Variants in GMNN observed in about 807,000 individuals in gnomAD.
GMNN encodes the protein geminin DNA replication inhibitor.
Under a neutral mutation model 20.9 loss-of-function variants are expected in GMNN, and 14 were observed. The observed-to-expected ratio is 0.67, with a 90% confidence interval of 0.44 to 1.05. GMNN has a LOEUF of 1.05. Ranked by LOEUF, GMNN falls within the 50% of genes least tolerant of loss-of-function variation. The probability of loss-of-function intolerance (pLI) is 0.00; values close to 1 mark genes in which losing one functional copy is unlikely to be tolerated. For missense variants in GMNN, 227 were observed against 243.8 expected (o/e 0.93, Z 0.46); for synonymous variants, 81 against 85.8 (o/e 0.94, Z 0.31).
chr6:24,775,094 G>A lies in GMNN; in HGVS notation c.-176G>A, dbSNP rs1372839152. On this transcript the variant is annotated 5_prime_UTR_variant, in exon 1 of 7. Coordinates refer to ENST00000230056, the MANE Select transcript of GMNN (RefSeq NM_015895.5). ...CATAGCTACGTGCGTTCGCTACGAG[G>A]ATTGAGCGTCTCCACCCAGTAAGTG... The A allele has an allele frequency of 6.6e-6, 1 of 152,506 alleles. No homozygotes were observed. The highest frequency in any genetic ancestry group is 1.5e-5 in the Non-Finnish European group (1 of 68,220). The allele number at this position is 152,506 out of a possible 1,614,324, so 9.4% of individuals were successfully genotyped here. A position where few individuals can be genotyped will look rare whatever the true frequency, so the allele number is the denominator to read the frequency against.
chr6:24,783,388 T>A (rs1780268793), intron 4 of GMNN, among the ~76,000 whole-genome samples: 1 of 152,048 alleles, frequency 6.6e-6, no homozygotes, highest in Admixed American at 6.6e-5. Context: ...TGAAAAAAAA[T>A]TGGTTTTCCA....
intron 4 of GMNN, among the ~76,000 whole-genome samples, chr6:24,783,421 T>C (rs554181805): frequency 5.9e-5 from 9 of 152,256 alleles, no homozygotes; most frequent in East Asian, 1.9e-4. Flanking sequence ...GTAATAGATA[T>C]AAGCCGGAAA....
intron 4 of GMNN, among the ~76,000 whole-genome samples, chr6:24,782,257 A>G (rs1413864371): frequency 6.6e-6 from 1 of 152,228 alleles, no homozygotes; most frequent in Non-Finnish European, 1.5e-5. Context: ...AGAGTATGGC[A>G]TAAGGAAACC....
chr6:24,784,245 C>A, intron 5 of GMNN, 76 bp downstream of exon 5: 1 of 815,988 alleles, frequency 1.2e-6, no homozygotes. Flanking sequence ...TTTATTAGAG[C>A]AATATGGGCT....
intron 1 of GMNN, among the ~76,000 whole-genome samples, chr6:24,776,674 C>T (rs946788250): frequency 6.6e-6 from 1 of 152,142 alleles, no homozygotes; most frequent in Non-Finnish European, 1.5e-5. Context: ...TCTAGTCAAC[C>T]GCATTACATA....
chr6:24,779,659 C>T (rs781547062), intron 2 of GMNN, among the ~76,000 whole-genome samples: 17 of 152,168 alleles, frequency 1.1e-4, no homozygotes, highest in South Asian at 2.1e-4. Context: ...AACTTTCTCA[C>T]GCTGGTATGG....
Position 24,785,932 on chromosome 6 carries a change from T to A in GMNN, c.*133T>A. On this transcript the variant is annotated 3_prime_UTR_variant, in exon 7 of 7. Transcript: ENST00000230056. ...CCTTGTTTGAATCCTGGGACCCTAT[T>A]GCATTAAAGTACAAATACTATGTAT... 2 of 607,620 alleles carry A rather than the reference T, an allele frequency of 3.3e-6. No homozygotes were observed. The highest frequency in any genetic ancestry group is 5.7e-6 in the Non-Finnish European group (2 of 348,870). 37.6% of individuals were successfully genotyped at this position (607,620 alleles called of 1,614,324 possible).
intron 1 of GMNN, 185 bp from the exon 2 acceptor site, chr6:24,777,037 A>T: frequency 2.8e-6 from 1 of 361,926 alleles, no homozygotes; most frequent in Non-Finnish European, 5.0e-6. Flanking sequence ...GTGTGTATAT[A>T]TGTAAAATAT....
intron 2 of GMNN, among the ~76,000 whole-genome samples, chr6:24,779,160 T>C (rs758936569): frequency 6.6e-6 from 1 of 152,198 alleles, no homozygotes; most frequent in Non-Finnish European, 1.5e-5. Context: ...TGTGAATTTT[T>C]TTGGGGAGAG....
At chr6:24,780,929 A>G (rs534546391) in intron 3 of GMNN, among the ~76,000 whole-genome samples, 189 bp downstream of exon 3, 1 of 152,298 alleles carries the variant, frequency 6.6e-6, no homozygotes, top group South Asian at 2.1e-4. Context: ...CGTCGGGTGC[A>G]GTGGCTCACG....
At position 24,783,110 on chromosome 6, in the gene GMNN, C is replaced by G. The variant is rs754044511; in HGVS notation, c.275-977C>G. ...CAGGGGCAGGGAAACTTTGGGTGAT[C>G]ATGGATTATCTTTTGACAGAAAATA... On this transcript the variant is annotated intron_variant, in intron 4 of 6. Transcript: ENST00000230056. Among the ~76,000 whole-genome samples the G allele has an allele frequency of 1.6e-4, 25 of 152,080 alleles. 1 individual carries two copies. Among genetic ancestry groups the G allele is most frequent in the Non-Finnish European group, 1.2e-4 (8 of 68,004 alleles).
rs199710640 is a variant in GMNN, at chr6:24,784,492, A to G, written c.406A>G (p.Lys136Glu). 140 of 1,588,856 alleles carry G rather than the reference A, an allele frequency of 8.8e-5. No homozygotes were observed. Among genetic ancestry groups the G allele is most frequent in the Non-Finnish European group, 1.2e-4 (134 of 1,157,164 alleles). The change falls in exon 6 of 7, where the codon AAG (lysine) becomes GAG (glutamate). Residue 136 changes from lysine (K) to glutamate (E), a missense_variant. By Grantham distance (56) the Lys-to-Glu change is moderately conservative. Coordinates refer to ENST00000230056, the MANE Select transcript of GMNN (RefSeq NM_015895.5). ...QKDNEIARLK[K>E]ENKELAEVAE... Reference sequence around the variant, plus strand: ...GGACAATGAAATTGCCCGCCTGAAAAAGGAGAATAAAGAACTGGCAGAAGT... The same window carrying G: ...GGACAATGAAATTGCCCGCCTGAAAGAGGAGAATAAAGAACTGGCAGAAGT...
chr6:24,785,801 A>G lies in GMNN; in HGVS notation c.*2A>G, dbSNP rs1240429791. ...ACGGATGCAAAGCCATGTATATGAAATGCATTAATATTTGACTGTTGAGAA... is the reference window on the plus strand; with the variant it reads ...ACGGATGCAAAGCCATGTATATGAAGTGCATTAATATTTGACTGTTGAGAA... On this transcript the variant is annotated 3_prime_UTR_variant, in exon 7 of 7. Coordinates refer to ENST00000230056, the MANE Select transcript of GMNN (RefSeq NM_015895.5). 1.5e-5 allele frequency: 23 copies of G among 1,548,604 alleles called. No individual in the cohort carries two copies. The highest frequency in any genetic ancestry group is 1.7e-5 in the Non-Finnish European group (19 of 1,140,746).
chr6:24,784,400 C>T (rs1780295989), intron 5 of GMNN, 44 bp from the exon 6 acceptor site: 1 of 890,178 alleles, frequency 1.1e-6, no homozygotes, highest in Non-Finnish European at 1.9e-6. Flanking sequence ...TGATTTATAG[C>T]ATAGCAAATC....
In GMNN at chr6:24,785,824, G is replaced by T. The variant is rs749603171; in HGVS notation, c.*25G>T. On this transcript the variant is annotated 3_prime_UTR_variant, in exon 7 of 7. Transcript: ENST00000230056. ...AAATGCATTAATATTTGACTGTTGAGAATTTTACTGCCGAAGTTTACCTCC... is the reference window on the plus strand; with the variant it reads ...AAATGCATTAATATTTGACTGTTGATAATTTTACTGCCGAAGTTTACCTCC... 10 of 1,453,724 alleles carry T rather than the reference G, an allele frequency of 6.9e-6. 1 individual carries two copies. In the East Asian group the frequency reaches 1.9e-4, roughly 28 times the overall value. The allele number at this position is 1,453,724 out of a possible 1,614,324, so 90.1% of individuals were successfully genotyped here. A position where few individuals can be genotyped will look rare whatever the true frequency, so the allele number is the denominator to read the frequency against.
chr6:24,782,600 A>G, intron 4 of GMNN, among the ~76,000 whole-genome samples: 1 of 152,334 alleles, frequency 6.6e-6, no homozygotes, highest in Middle Eastern at 3.4e-3. Flanking sequence ...GAAATAAAGC[A>G]GCTCTTTAAA....
intron 1 of GMNN, chr6:24,775,651 A>C (rs1366789548): frequency 6.6e-6 from 1 of 152,252 alleles, no homozygotes; most frequent in Non-Finnish European, 1.5e-5. Context: ...CATTAAACGG[A>C]TACTGGCGTT....
At chr6:24,784,653 CAG>C in intron 6 of GMNN, 99 bp downstream of exon 6, 2 of 555,340 alleles carry the variant, frequency 3.6e-6, no homozygotes, top group Non-Finnish European at 6.6e-6. Flanking sequence ...GCTCTGGAAT[CAG>C]ATTTCCTGGA....
At chr6:24,783,297 A>C (rs937643937) in intron 4 of GMNN, among the ~76,000 whole-genome samples, 1 of 152,192 alleles carries the variant, frequency 6.6e-6, no homozygotes, top group Admixed American at 6.5e-5. Flanking sequence ...TATACTGATA[A>C]ATTTTCTTTT....
Sources: gnomAD v4.1 joint callset for allele counts (sites outside exome capture counted in the v4.1 genomes callset) on GRCh38, gnomAD v4.1.1 for gene constraint, MANE v1.5 for transcripts, NCBI Gene and HGNC (gene_info 2026-07-23, HGNC 2026-07-21) for gene names.